CES1: variants seen among roughly 807,000 people sequenced by gnomAD.
CES1 encodes carboxylesterase 1, also known as liver carboxylesterase 1.
In CES1, 50 loss-of-function variants were observed where a neutral mutation model predicts 53.0. The ratio of observed to expected loss-of-function variants is 0.94; its 90% CI spans 0.75 to 1.19. The LOEUF (loss-of-function observed/expected upper bound fraction) is 1.19. CES1 is among the 50% of genes most tolerant of loss of function. The pLI is 0.00. For synonymous variants in CES1, 202 were observed against 210.1 expected (o/e 0.96, Z 0.33); for missense variants, 534 against 538.0 (o/e 0.99, Z 0.07).
intron 1 of CES1, among the ~76,000 whole-genome samples, chr16:55,830,145 G>T (rs1433720661): frequency 8.5e-5 from 13 of 152,178 alleles, no homozygotes; most frequent in African/African-American, 3.1e-4. Context: ...ATTCAGATTT[G>T]GTCTTAAAGG....
At chr16:55,815,771 C>G (rs1336329173) in intron 8 of CES1, among the ~76,000 whole-genome samples, 2 of 152,172 alleles carry the variant, frequency 1.3e-5, no homozygotes, top group African/African-American at 4.8e-5. Flanking sequence ...CCACTTTGCC[C>G]CTTTCCTACA....
Position 55,831,332 on chromosome 16 carries a change from C to T in CES1, c.52+1672G>A, listed in dbSNP as rs369616432. Among the ~76,000 whole-genome samples the T allele has an allele frequency of 2.3e-4, 35 of 151,796 alleles. No individual in the cohort carries two copies. In the East Asian group the frequency reaches 4.5e-3, roughly 19 times the overall value. On this transcript the variant is annotated intron_variant, in intron 1 of 13. Transcript: ENST00000360526. The stretch of plus-strand genomic sequence containing the variant: ...AGGAGAGTCAAGTCAGAGAAGAAAC[C>T]ACTGGGCTGGTCATGCTCAGCTCAG...
At chr16:55,819,870 C>T (rs373367612) in intron 6 of CES1, 1 of 627,982 alleles carries the variant, frequency 1.6e-6, no homozygotes, top group Non-Finnish European at 2.9e-6. Context: ...TACCTTATCT[C>T]CATTGAAATG....
intron 3 of CES1, among the ~76,000 whole-genome samples, chr16:55,825,756 G>T (rs546747311): frequency 6.6e-6 from 1 of 152,170 alleles, no homozygotes; most frequent in Non-Finnish European, 1.5e-5. Flanking sequence ...CTGGGCCTCA[G>T]TTTCTCTATT....
At chr16:55,830,823 C>CGAAGGA (rs2032630997) in intron 1 of CES1, among the ~76,000 whole-genome samples, 2 of 84,798 alleles carry the variant, frequency 2.4e-5, no homozygotes, top group Non-Finnish European at 4.9e-5. Flanking sequence ...GGAAGGAAGG[C>CGAAGGA]AGGCAGGCAG....
chr16:55,811,220 A>AC (rs1193765629), intron 9 of CES1, among the ~76,000 whole-genome samples: 12 of 150,890 alleles, frequency 8.0e-5, no homozygotes, highest in African/African-American at 2.2e-4. Context: ...CAAAAAAAAA[A>AC]AACAAAAAAC....
In CES1 at chr16:55,833,079, G is replaced by A. The variant is rs111887943; in HGVS notation, c.-24C>T. On this transcript the variant is annotated 5_prime_UTR_variant, in exon 1 of 14. Transcript: ENST00000360526. Reference sequence around the variant, plus strand: ...ATCGTGGAAGGGCGACAGTTCTCGGGGCCTGCGAGGTCTCTGTGCAGTTCA... The same window carrying A: ...ATCGTGGAAGGGCGACAGTTCTCGGAGCCTGCGAGGTCTCTGTGCAGTTCA... 1.6e-4 allele frequency: 248 copies of A among 1,546,752 alleles called. 24 individuals are homozygous for A. In the African/African-American group the frequency reaches 2.9e-3, roughly 18 times the overall value.
intron 7 of CES1, among the ~76,000 whole-genome samples, chr16:55,817,811 C>T (rs577488480): frequency 1.3e-4 from 20 of 151,812 alleles, no homozygotes; most frequent in Admixed American, 2.6e-4. Flanking sequence ...CTGGAGGCAG[C>T]GCGTAATCAT....
intron 2 of CES1, among the ~76,000 whole-genome samples, chr16:55,827,442 C>A (rs2032462723): frequency 6.6e-6 from 1 of 151,928 alleles, no homozygotes; most frequent in Non-Finnish European, 1.5e-5. Flanking sequence ...TTAATAATCC[C>A]AAGCATTGCC....
At chr16:55,808,859 A>C (rs184865498) in intron 11 of CES1, among the ~76,000 whole-genome samples, 1 of 152,194 alleles carries the variant, frequency 6.6e-6, no homozygotes, top group Admixed American at 6.5e-5. Context: ...AAAATATAAA[A>C]TTGATTTTTA....
chr16:55,826,917 A>G (rs2032440400), intron 2 of CES1, among the ~76,000 whole-genome samples: 1 of 152,168 alleles, frequency 6.6e-6, no homozygotes. Flanking sequence ...TGTTTTAAGT[A>G]CCTTTTGTAT....
At chr16:55,830,941 C>A (rs1361310158) in intron 1 of CES1, among the ~76,000 whole-genome samples, 1 of 151,900 alleles carries the variant, frequency 6.6e-6, no homozygotes, top group Non-Finnish European at 1.5e-5. Flanking sequence ...GAAAGAAGAC[C>A]AAAGAGCTGG....
chr16:55,816,492 T>C (rs1448350355), intron 8 of CES1, among the ~76,000 whole-genome samples: 7 of 152,186 alleles, frequency 4.6e-5, no homozygotes, highest in African/African-American at 9.7e-5. Flanking sequence ...ATTGGGAGAA[T>C]ACTGTTGGAG....
chr16:55,830,211 T>A (rs559341897), intron 1 of CES1, among the ~76,000 whole-genome samples: 1 of 152,354 alleles, frequency 6.6e-6, no homozygotes, highest in East Asian at 1.9e-4. Flanking sequence ...CACAACAGCA[T>A]CCATGTCTCA....
At chr16:55,820,875 G>A (rs183847016) in intron 5 of CES1, among the ~76,000 whole-genome samples, 18 of 152,256 alleles carry the variant, frequency 1.2e-4, no homozygotes, top group Admixed American at 9.8e-4. Flanking sequence ...GCATGGACAA[G>A]CCATCAGACC....
At chr16:55,821,066 GAGAGAGAA>G (rs2032166531) in intron 5 of CES1, among the ~76,000 whole-genome samples, 1 of 80,166 alleles carries the variant, frequency 1.2e-5, no homozygotes. Context: ...GTGTGAAGGA[GAGAGAGAA>G]AGAGAGAGAG....
chr16:55,817,240 T>G (rs2031982571), intron 7 of CES1, among the ~76,000 whole-genome samples: 2 of 152,186 alleles, frequency 1.3e-5, no homozygotes, highest in Admixed American at 6.5e-5. Context: ...AGAGTGCTGT[T>G]GTCTTTAACC....
At chr16:55,809,479 A>G (rs1244701874) in intron 11 of CES1, among the ~76,000 whole-genome samples, 2 of 152,214 alleles carry the variant, frequency 1.3e-5, no homozygotes, top group African/African-American at 4.8e-5. Context: ...GCTGGAAGAA[A>G]AGGAATCCTG....
intron 8 of CES1, among the ~76,000 whole-genome samples, chr16:55,815,466 C>A (rs1182237997): frequency 6.6e-6 from 1 of 152,216 alleles, no homozygotes; most frequent in African/African-American, 2.4e-5. Flanking sequence ...GACAGCCATG[C>A]TGGAAGACTG....
Sources: allele counts gnomAD v4.1 joint callset (sites outside exome capture counted in the v4.1 genomes callset), GRCh38; gene constraint gnomAD v4.1.1; transcripts MANE v1.5; gene names NCBI Gene and HGNC (gene_info 2026-07-23, HGNC 2026-07-21).